Variants in SDCCAG8 observed in about 807,000 individuals in gnomAD.
The protein encoded by SDCCAG8 is serologically defined colon cancer antigen 8.
Under a neutral mutation model 101.8 loss-of-function variants are expected in SDCCAG8, and 74 were observed. That is an observed-to-expected ratio of 0.73 (90% CI 0.60 to 0.88). The LOEUF (loss-of-function observed/expected upper bound fraction) is 0.88, where lower values mean the gene tolerates loss of function less well. Among genes scored for constraint, SDCCAG8 ranks in the 40% least tolerant of loss-of-function variants. The pLI is 0.00. For missense variants in SDCCAG8, 787 were observed against 822.6 expected (o/e 0.96, Z 0.53); for synonymous variants, 281 against 292.9 (o/e 0.96, Z 0.41).
At chr1:243,273,549 T>A (rs1036016217) in intron 3 of SDCCAG8, among the ~76,000 whole-genome samples, 6 of 152,086 alleles carry the variant, frequency 3.9e-5, no homozygotes, top group Non-Finnish European at 7.4e-5. Flanking sequence ...CTCTTGGAGG[T>A]TCTATGCTCC....
intron 5 of SDCCAG8, among the ~76,000 whole-genome samples, chr1:243,291,507 A>T (rs1382769256): frequency 6.6e-6 from 1 of 151,600 alleles, no homozygotes; most frequent in Admixed American, 6.6e-5. Flanking sequence ...CACAGAGCCT[A>T]CTCTTCTTCC....
intron 16 of SDCCAG8, among the ~76,000 whole-genome samples, chr1:243,459,938 G>A (rs1223253880): frequency 6.6e-6 from 1 of 152,056 alleles, no homozygotes; most frequent in African/African-American, 2.4e-5. Flanking sequence ...ACCACTCAAT[G>A]GTAATAAATG....
intron 1 of SDCCAG8, chr1:243,267,235 T>C: frequency 6.5e-6 from 1 of 153,340 alleles, no homozygotes. Flanking sequence ...AGAGCGAGAC[T>C]CCGTCTTAAA....
intron 16 of SDCCAG8, among the ~76,000 whole-genome samples, chr1:243,446,684 G>C (rs1172537847): frequency 6.6e-6 from 1 of 152,110 alleles, no homozygotes; most frequent in Non-Finnish European, 1.5e-5. Flanking sequence ...CCCAGAAGCT[G>C]GGCCAGTGGA....
chr1:243,429,183 A>T (rs1355135212), intron 16 of SDCCAG8, among the ~76,000 whole-genome samples: 1 of 152,238 alleles, frequency 6.6e-6, no homozygotes, highest in Non-Finnish European at 1.5e-5. Context: ...GATTCATCTT[A>T]TAAACAGACA....
chr1:243,495,784 G>A (rs761817817), intron 17 of SDCCAG8, among the ~76,000 whole-genome samples: 3 of 152,208 alleles, frequency 2.0e-5, no homozygotes, highest in Non-Finnish European at 2.9e-5. Flanking sequence ...CGTTGGTGGC[G>A]AGCCAGAGCT....
intron 12 of SDCCAG8, among the ~76,000 whole-genome samples, chr1:243,353,083 G>A (rs1198835689): frequency 1.3e-5 from 2 of 152,172 alleles, no homozygotes; most frequent in Non-Finnish European, 2.9e-5. Context: ...AAAGGAGTAT[G>A]TAAACCAGGT....
At chr1:243,414,037 A>G (rs559470564) in intron 13 of SDCCAG8, among the ~76,000 whole-genome samples, 28 of 152,330 alleles carry the variant, frequency 1.8e-4, no homozygotes, top group Middle Eastern at 3.4e-3. Context: ...CCAAGCACTG[A>G]GGCTGGGCTG....
intron 13 of SDCCAG8, among the ~76,000 whole-genome samples, chr1:243,387,025 C>T (rs941867595): frequency 6.6e-5 from 10 of 152,150 alleles, no homozygotes; most frequent in African/African-American, 2.4e-4. Flanking sequence ...TTATTTTTGA[C>T]ATGTCCAAAT....
chr1:243,451,603 T>C (rs989619120), intron 16 of SDCCAG8, among the ~76,000 whole-genome samples: 5 of 152,112 alleles, frequency 3.3e-5, no homozygotes, highest in Non-Finnish European at 5.9e-5. Context: ...TGTACACACA[T>C]GCATACAGAC....
chr1:243,431,772 G>A (rs2081784137), intron 16 of SDCCAG8, among the ~76,000 whole-genome samples: 1 of 152,110 alleles, frequency 6.6e-6, no homozygotes, highest in African/African-American at 2.4e-5. Flanking sequence ...AGCCAGTGGA[G>A]CACTGCTGAG....
chr1:243,433,250 C>G (rs2081914021), intron 16 of SDCCAG8, among the ~76,000 whole-genome samples: 1 of 151,580 alleles, frequency 6.6e-6, no homozygotes, highest in Middle Eastern at 3.2e-3. Flanking sequence ...AAAAGATATA[C>G]TCTGCCTTGG....
chr1:243,296,496 C>T (rs563287351), intron 6 of SDCCAG8, among the ~76,000 whole-genome samples: 1 of 142,290 alleles, frequency 7.0e-6, no homozygotes, highest in East Asian at 2.1e-4. Context: ...CAGTATGCTT[C>T]AGTTGAGCTT....
At chr1:243,378,017 T>A (rs1207433492) in intron 12 of SDCCAG8, among the ~76,000 whole-genome samples, 1 of 151,724 alleles carries the variant, frequency 6.6e-6, no homozygotes, top group Non-Finnish European at 1.5e-5. Flanking sequence ...AAGATAAGGA[T>A]AATTTCATCC....
chr1:243,497,920 G>A (rs55655818), intron 17 of SDCCAG8, among the ~76,000 whole-genome samples: 2 of 152,060 alleles, frequency 1.3e-5, no homozygotes, highest in Admixed American at 6.5e-5. Flanking sequence ...GGACTCAAGC[G>A]ATCCTATTGC....
intron 6 of SDCCAG8, among the ~76,000 whole-genome samples, chr1:243,301,584 C>T (rs1260637633): frequency 6.6e-6 from 1 of 152,072 alleles, no homozygotes; most frequent in Non-Finnish European, 1.5e-5. Context: ...ATATAAGGAC[C>T]ATTGTACAAA....
chr1:243,319,904 C>G (rs536954359), intron 9 of SDCCAG8, among the ~76,000 whole-genome samples: 1 of 152,180 alleles, frequency 6.6e-6, no homozygotes, highest in African/African-American at 2.4e-5. Context: ...TCTTTCCTCC[C>G]TATCAAAGTT....
intron 16 of SDCCAG8, among the ~76,000 whole-genome samples, chr1:243,473,740 G>A (rs1432309302): frequency 6.6e-6 from 1 of 152,132 alleles, no homozygotes; most frequent in Non-Finnish European, 1.5e-5. Flanking sequence ...ATTGGAAGTA[G>A]GGCTCAGAAG....
chr1:243,441,986 A>C (rs1001832819), intron 16 of SDCCAG8, among the ~76,000 whole-genome samples: 1 of 152,218 alleles, frequency 6.6e-6, no homozygotes, highest in South Asian at 2.1e-4. Flanking sequence ...CTATATTAGT[A>C]CTATCAGCTC....
Sources: allele counts gnomAD v4.1 joint callset (sites outside exome capture counted in the v4.1 genomes callset), GRCh38; gene constraint gnomAD v4.1.1; transcripts MANE v1.5; gene names NCBI Gene and HGNC (gene_info 2026-07-23, HGNC 2026-07-21).